The following ADAM18 variants were observed in gnomAD, a reference collection of about 807,000 sequenced individuals.
ADAM18 encodes disintegrin and metalloproteinase domain-containing protein 18.
A neutral mutation model predicts 94.4 loss-of-function variants in ADAM18; 117 were observed. The observed-to-expected ratio is 1.24, with a 90% confidence interval of 1.07 to 1.45. ADAM18 has a LOEUF of 1.45. Among genes scored for constraint, ADAM18 ranks in the 40% most tolerant of loss-of-function variants. The pLI is 0.00. For missense variants in ADAM18, 936 were observed against 880.0 expected, an observed-to-expected ratio of 1.06 and a Z score of -0.81; for synonymous variants, 327 against 291.6, an observed-to-expected ratio of 1.12 and a Z score of -1.24.
intron 17 of ADAM18, among the ~76,000 whole-genome samples, chr8:39,702,169 A>G (rs1822099856): frequency 6.6e-6 from 1 of 152,164 alleles, no homozygotes; most frequent in Non-Finnish European, 1.5e-5. Context: ...TGACTTCTTA[A>G]TAACAGCCAT....
chr8:39,636,284 C>T (rs933522457), intron 7 of ADAM18, among the ~76,000 whole-genome samples: 2 of 152,206 alleles, frequency 1.3e-5, no homozygotes, highest in South Asian at 4.1e-4. Flanking sequence ...CTGCACCTGT[C>T]CAACAATTAA....
At chr8:39,641,773 C>T (rs528900269) in intron 10 of ADAM18, among the ~76,000 whole-genome samples, 3 of 152,136 alleles carry the variant, frequency 2.0e-5, no homozygotes, top group South Asian at 2.1e-4. Flanking sequence ...TGGGTATATA[C>T]CCAGTAATGA....
intron 12 of ADAM18, among the ~76,000 whole-genome samples, chr8:39,654,006 C>T (rs1414112134): frequency 5.3e-5 from 8 of 151,606 alleles, no homozygotes; most frequent in Non-Finnish European, 2.9e-5. Context: ...AACAACCATT[C>T]TACTCTCTGC....
intron 16 of ADAM18, among the ~76,000 whole-genome samples, chr8:39,680,949 C>T (rs1022861733): frequency 2.0e-5 from 3 of 152,160 alleles, no homozygotes; most frequent in African/African-American, 7.2e-5. Flanking sequence ...GTGTCAGCAA[C>T]CCTAATCCCT....
intron 7 of ADAM18, among the ~76,000 whole-genome samples, chr8:39,630,005 T>G (rs1819888618): frequency 6.6e-6 from 1 of 151,906 alleles, no homozygotes; most frequent in Non-Finnish European, 1.5e-5. Flanking sequence ...AATGCATATT[T>G]TTACCATCTT....
At chr8:39,611,723 CAT>C (rs1235887445) in intron 6 of ADAM18, 2 of 534,592 alleles carry the variant, frequency 3.7e-6, no homozygotes, top group African/African-American at 4.2e-5. Context: ...CATTATCCAA[CAT>C]GTGGAGAAAA....
At position 39,584,678 on chromosome 8, in the gene ADAM18, G is replaced by GT. The variant is rs1331259638; in HGVS notation, c.55+2dup. On this transcript the variant is annotated splice_donor_variant, in intron 1 of 19. Transcript: ENST00000265707. LOFTEE classifies it high-confidence loss of function. ...CTTGGAAGACTGCAAGCCCACGAAG[G>GT]TAAGTCCATGGGAGCCTCCCCTTTC... 2 of 1,612,904 alleles carry GT rather than the reference G, an allele frequency of 1.2e-6. No homozygotes were observed. The highest frequency in any genetic ancestry group is 1.7e-5 in the Admixed American group (1 of 60,010).
intron 16 of ADAM18, chr8:39,685,547 C>T (rs576473890): frequency 3.3e-5 from 5 of 152,282 alleles, no homozygotes; most frequent in Non-Finnish European, 5.9e-5. Context: ...GGCATTCTTC[C>T]ATTGAGTTGG....
At chr8:39,725,759 G>A (rs1209093453) in intron 19 of ADAM18, among the ~76,000 whole-genome samples, 4 of 152,064 alleles carry the variant, frequency 2.6e-5, no homozygotes, top group Admixed American at 2.0e-4. Flanking sequence ...ACCCATGATG[G>A]ACATTTAGGT....
intron 2 of ADAM18, among the ~76,000 whole-genome samples, chr8:39,586,755 A>ACTATCTAT (rs35604090): frequency 0.016 from 2,316 of 147,524 alleles, 33 homozygotes; most frequent in Middle Eastern, 0.021. Context: ...CAAACAAAAA[A>ACTATCTAT]CTATCTATCT....
chr8:39,631,461 G>A (rs1378714447), intron 7 of ADAM18, among the ~76,000 whole-genome samples: 1 of 151,800 alleles, frequency 6.6e-6, no homozygotes, highest in Non-Finnish European at 1.5e-5. Flanking sequence ...CCATTCAGTT[G>A]TGTTAGCAAT....
chr8:39,597,684 A>G (rs956842821), intron 2 of ADAM18, among the ~76,000 whole-genome samples: 1 of 152,146 alleles, frequency 6.6e-6, no homozygotes, highest in African/African-American at 2.4e-5. Context: ...CTGTAGCTTT[A>G]TAGTTCAGTC....
chr8:39,643,442 C>A (rs1215133293), intron 10 of ADAM18, among the ~76,000 whole-genome samples: 1 of 152,040 alleles, frequency 6.6e-6, no homozygotes, highest in East Asian at 1.9e-4. Context: ...AATGTATCTT[C>A]CCCATTCCTG....
chr8:39,711,822 T>C (rs1053376310), intron 18 of ADAM18, among the ~76,000 whole-genome samples: 1 of 150,114 alleles, frequency 6.7e-6, no homozygotes, highest in Non-Finnish European at 1.5e-5. Flanking sequence ...GAGAGAATAA[T>C]GAAAGAAAGA....
intron 12 of ADAM18, among the ~76,000 whole-genome samples, chr8:39,659,853 T>C (rs562008196): frequency 1.4e-4 from 22 of 152,074 alleles, no homozygotes; most frequent in South Asian, 8.3e-4. Flanking sequence ...TACCAAAAAA[T>C]CTGAAAATAA....
chr8:39,686,119 A>G (rs1585979667), intron 16 of ADAM18, among the ~76,000 whole-genome samples: 1 of 152,246 alleles, frequency 6.6e-6, no homozygotes, highest in South Asian at 2.1e-4. Context: ...ACTTACAGCA[A>G]TGCAGGCTTT....
At chr8:39,703,430 C>A (rs143081320) in intron 17 of ADAM18, among the ~76,000 whole-genome samples, 2 of 151,906 alleles carry the variant, frequency 1.3e-5, no homozygotes, top group Non-Finnish European at 2.9e-5. Flanking sequence ...ATCCACAAAG[C>A]GGAATAATTT....
chr8:39,650,171 T>A (rs1416231695), intron 12 of ADAM18, among the ~76,000 whole-genome samples: 1 of 152,170 alleles, frequency 6.6e-6, no homozygotes, highest in East Asian at 1.9e-4. Context: ...GTGATAACAC[T>A]CCTGACATCA....
chr8:39,631,043 T>C (rs1275946270), intron 7 of ADAM18, among the ~76,000 whole-genome samples: 5 of 151,876 alleles, frequency 3.3e-5, no homozygotes, highest in Non-Finnish European at 7.4e-5. Context: ...AATGTATAAG[T>C]TTTTACCCAT....
Sources: allele counts gnomAD v4.1 joint callset (sites outside exome capture counted in the v4.1 genomes callset), GRCh38; gene constraint gnomAD v4.1.1; transcripts MANE v1.5; gene names NCBI Gene and HGNC (gene_info 2026-07-23, HGNC 2026-07-21).